Variants in AKR1B1 observed in about 807,000 individuals in gnomAD.
AKR1B1 encodes the protein aldo-keto reductase family 1 member B1.
AKR1B1 carries 22 observed loss-of-function variants against 40.4 expected under a neutral mutation model. That is an observed-to-expected ratio of 0.54 (90% CI 0.39 to 0.78). The LOEUF is 0.78. Ranked by LOEUF, AKR1B1 falls within the 30% of genes least tolerant of loss-of-function variation. The pLI is 0.00. For missense variants in AKR1B1, 357 were observed against 396.7 expected (o/e 0.90, Z 0.85); for synonymous variants, 157 against 149.9 (o/e 1.05, Z -0.35).
intron 9 of AKR1B1, 59 bp downstream of exon 9, chr7:134,445,179 T>C (rs780897225): frequency 4.1e-6 from 6 of 1,451,486 alleles, no homozygotes; most frequent in Non-Finnish European, 5.7e-6. Context: ...GATCACTCTC[T>C]TGCTGTGCAG....
At position 134,447,978 on chromosome 7, in the gene AKR1B1, A is replaced by G. The variant is rs752192413; in HGVS notation, c.741+2T>C. On this transcript the variant is annotated splice_donor_variant, in intron 7 of 9. Coordinates refer to ENST00000285930, the MANE Select transcript of AKR1B1 (RefSeq NM_001628.4). LOFTEE classifies it high-confidence loss of function. ...GGTCAGCAACACCTGAAGTGGCTGT[A>G]CCTGGGCTGTAGTTTTATTGTGCTT... 2 of 1,611,552 alleles carry G rather than the reference A, an allele frequency of 1.2e-6. No homozygotes were observed. Among genetic ancestry groups the G allele is most frequent in the Non-Finnish European group, 1.7e-6 (2 of 1,179,208 alleles).
Position 134,451,652 on chromosome 7 carries a change from C to G in AKR1B1, c.168G>C (p.Gly56=). Residue 56 remains glycine (G), a synonymous_variant, in exon 2 of 10, where the codon GGG becomes GGC. Coordinates refer to ENST00000285930, the MANE Select transcript of AKR1B1 (RefSeq NM_001628.4). ...CCCTGAGCTTCTCCTGAATGGCCACCCCCACCTCATTCTCATTCTGGTACA... is the reference window on the plus strand; with the variant it reads ...CCCTGAGCTTCTCCTGAATGGCCACGCCCACCTCATTCTCATTCTGGTACA... The part of the protein sequence containing the change: ...AHVYQNENEV[G]VAIQEKLREQ... The G allele has an allele frequency of 6.2e-7, 1 of 1,614,186 alleles. No homozygotes were observed. Among genetic ancestry groups the G allele is most frequent in the Non-Finnish European group, 8.5e-7 (1 of 1,180,034 alleles).
intron 8 of AKR1B1, 118 bp downstream of exon 8, chr7:134,447,180 G>T: frequency 1.1e-6 from 1 of 941,924 alleles, no homozygotes; most frequent in African/African-American, 1.6e-5. Flanking sequence ...ACAGCTCCCT[G>T]GCCTCAGAAG....
At chr7:134,455,193 A>C (rs1338800483) in intron 1 of AKR1B1, among the ~76,000 whole-genome samples, 1 of 152,202 alleles carries the variant, frequency 6.6e-6, no homozygotes, top group Non-Finnish European at 1.5e-5. Context: ...CCAAAGAGAC[A>C]AAAATTAGTT....
chr7:134,443,438 C>T (rs1805999534), intron 9 of AKR1B1, among the ~76,000 whole-genome samples: 1 of 151,830 alleles, frequency 6.6e-6, no homozygotes, highest in Admixed American at 6.6e-5. Flanking sequence ...TGTTAAAAGT[C>T]TGTATGTGAC....
rs1806059058 is a variant in AKR1B1 at position 134,445,254 on chromosome 7, C to A, written c.892G>T (p.Val298Phe). The change falls in exon 9 of 10, where the codon GTC (valine) becomes TTC (phenylalanine). Residue 298 changes from valine to phenylalanine, a missense_variant. Physicochemically the swap from Val to Phe is conservative, Grantham distance 50. Coordinates refer to ENST00000285930, the MANE Select transcript of AKR1B1 (RefSeq NM_001628.4). ...CTCACTCACCTCAACAAGGCACAGA[C>A]CCTCCAGTTCCTGTTGTAGCTGAGT... ...TLLSYNRNWR[V>F]CALLSCTSHK... is the part of the protein sequence containing the mutation. 2.5e-6 allele frequency: 4 copies of A among 1,611,920 alleles called. No individual in the cohort carries two copies. Among genetic ancestry groups the A allele is most frequent in the Non-Finnish European group, 3.4e-6 (4 of 1,179,658 alleles).
At chr7:134,455,830 G>A (rs771311570) in intron 1 of AKR1B1, among the ~76,000 whole-genome samples, 31 of 152,204 alleles carry the variant, frequency 2.0e-4, no homozygotes, top group Middle Eastern at 3.4e-3. Context: ...TGATCCACCC[G>A]CCTTGGCCTT....
chr7:134,448,132 T>C, intron 6 of AKR1B1, 71 bp from the exon 7 acceptor site: 1 of 1,312,464 alleles, frequency 7.6e-7, no homozygotes, highest in Non-Finnish European at 1.1e-6. Context: ...ACCCCAACCC[T>C]AATCCTCCCA....
Position 134,459,046 on chromosome 7 carries a change from A to G in AKR1B1, c.17T>C (p.Leu6Pro). Residue 6 changes from leucine to proline, a missense_variant, in exon 1 of 10, where the codon CTG becomes CCG. By Grantham distance (98) the Leu-to-Pro change is moderately conservative (BLOSUM62 -3). Transcript: ENST00000285930. MASRLLLNNGAKMPIL... is the reference protein window; with the variant it reads MASRLPLNNGAKMPIL... ...GGGCATCTTGGCGCCGTTGTTGAGC[A>G]GGAGACGGCTTGCCATGGCTGCTGC... 4.4e-6 allele frequency: 7 copies of G among 1,607,418 alleles called. No individual in the cohort carries two copies. Among genetic ancestry groups the G allele is most frequent in the Non-Finnish European group, 5.9e-6 (7 of 1,177,520 alleles).
At position 134,442,726 on chromosome 7, in the gene AKR1B1, C is replaced by T; in HGVS notation, c.*2G>A. 1 of 1,614,072 alleles carries T rather than the reference C, an allele frequency of 6.2e-7. No individual in the cohort carries two copies. ...CTTGGGGACGAGCAGGCAACCACAG[C>T]TTCAAAACTCTTCATGGAAGGGGTA... On this transcript the variant is annotated 3_prime_UTR_variant, in exon 10 of 10. Coordinates refer to ENST00000285930, the MANE Select transcript of AKR1B1 (RefSeq NM_001628.4).
chr7:134,459,065 C>G lies in AKR1B1; in HGVS notation c.-3G>C, dbSNP rs764572096. ...TTGAGCAGGAGACGGCTTGCCATGG[C>G]TGCTGCGCTCCCCAGACCCCCGCCC... is the stretch of plus-strand genomic sequence containing the variant. On this transcript the variant is annotated 5_prime_UTR_variant, in exon 1 of 10. Coordinates refer to ENST00000285930, the MANE Select transcript of AKR1B1 (RefSeq NM_001628.4). The G allele has an allele frequency of 1.9e-6, 3 of 1,601,924 alleles. No homozygotes were observed. In the Admixed American group the frequency reaches 5.1e-5, roughly 27 times the overall value.
chr7:134,449,053 G>T lies in AKR1B1; in HGVS notation c.496C>A (p.Gln166Lys). Residue 166 changes from glutamine (Q) to lysine (K), a missense_variant, in exon 5 of 10, where the codon CAG (glutamine) becomes AAG (lysine). By Grantham distance (53) the Gln-to-Lys change is moderately conservative. Transcript: ENST00000285930. ...GGTTTGTTTAAGATCATCTCCACCT[G>T]GAGATGGTTGAAGTTGGAGATGCCA... is the stretch of plus-strand genomic sequence containing the variant. ...AIGISNFNHLQVEMILNKPGL... is the reference protein window; with the variant it reads ...AIGISNFNHLKVEMILNKPGL... 6.2e-7 allele frequency: 1 copy of T among 1,614,114 alleles called. No individual in the cohort carries two copies. The highest frequency in any genetic ancestry group is 8.5e-7 in the Non-Finnish European group (1 of 1,179,996).
rs1282744157 is a variant in AKR1B1, at chr7:134,454,251, G to C, written c.67-2498C>G. ...GCTCTGCAAAGCTCTACGTTGGGCA[G>C]TGACTTGAAATGCTCTGGGCTGATG... On this transcript the variant is annotated intron_variant, in intron 1 of 9. Coordinates refer to ENST00000285930, the MANE Select transcript of AKR1B1 (RefSeq NM_001628.4). 3.9e-5 allele frequency among the ~76,000 whole-genome samples: 6 copies of C among 152,212 alleles called. No individual in the cohort carries two copies. The East Asian group carries it at 1.2e-3, about 29-fold the overall frequency.
rs1341639349 is a variant in AKR1B1 at position 134,459,080 on chromosome 7, G to A, written c.-18C>T. On this transcript the variant is annotated 5_prime_UTR_variant, in exon 1 of 10. Coordinates refer to ENST00000285930, the MANE Select transcript of AKR1B1 (RefSeq NM_001628.4). The stretch of plus-strand genomic sequence containing the variant: ...CTTGCCATGGCTGCTGCGCTCCCCA[G>A]ACCCCCGCCCAGTACGGTGCGGCCT... 6 of 1,597,442 alleles carry A rather than the reference G, an allele frequency of 3.8e-6. No homozygotes were observed. In the South Asian group the frequency reaches 5.7e-5, roughly 15 times the overall value.
At chr7:134,451,858 T>C in intron 1 of AKR1B1, 105 bp from the exon 2 acceptor site, 6 of 1,305,552 alleles carry the variant, frequency 4.6e-6, no homozygotes, top group South Asian at 1.3e-5. Context: ...GCCACTTTGT[T>C]CAGCAAAGAC....
chr7:134,458,209 G>A (rs541427978), intron 1 of AKR1B1, among the ~76,000 whole-genome samples: 1 of 151,226 alleles, frequency 6.6e-6, no homozygotes, highest in Admixed American at 6.6e-5. Flanking sequence ...GATGTTTCAT[G>A]TCCTATTGTC....
intron 9 of AKR1B1, among the ~76,000 whole-genome samples, chr7:134,443,672 G>A (rs1380892252): frequency 6.6e-6 from 1 of 151,454 alleles, no homozygotes; most frequent in African/African-American, 2.4e-5. Context: ...GCTGTGCTAG[G>A]AACATAAAGG....
Position 134,451,218 on chromosome 7 carries a change from T to C in AKR1B1, c.235-316A>G, listed in dbSNP as rs926206480. ...GTTTGTGGAGCCAGCCCCATCCTCC[T>C]GCCTCATGTCCTTTGTGCATCAGTA... On this transcript the variant is annotated intron_variant, in intron 2 of 9. Transcript: ENST00000285930. The C allele has an allele frequency of 2.3e-5, 12 of 533,228 alleles. No homozygotes were observed. In the African/African-American group the frequency reaches 2.3e-4, roughly 10 times the overall value. The allele number at this position is 533,228 out of a possible 1,614,324, so 33.0% of individuals were successfully genotyped here.
In AKR1B1 at chr7:134,445,322, T is replaced by TA. The variant is rs778127876; in HGVS notation, c.826-3dup. ...GCTGCTCAGTTCAAAGTCAAAGACC[T>TA]AAAAAACAAACAAAAAAATCCAGTA... On this transcript the variant is annotated splice_region_variant and splice_polypyrimidine_tract_variant and intron_variant, in intron 8 of 9. Coordinates refer to ENST00000285930, the MANE Select transcript of AKR1B1 (RefSeq NM_001628.4). 3.7e-6 allele frequency: 6 copies of TA among 1,610,968 alleles called. No homozygotes were observed. Among genetic ancestry groups the TA allele is most frequent in the African/African-American group, 1.3e-5 (1 of 74,802 alleles).
Sources: gnomAD v4.1 joint callset for allele counts (sites outside exome capture counted in the v4.1 genomes callset) on GRCh38, gnomAD v4.1.1 for gene constraint, MANE v1.5 for transcripts, NCBI Gene and HGNC (gene_info 2026-07-23, HGNC 2026-07-21) for gene names.